The following POLR1B variants were observed in gnomAD, a reference collection of about 807,000 sequenced individuals.
The protein encoded by POLR1B is RNA polymerase I subunit B, also known as DNA-directed RNA polymerase I subunit RPA2.
Under a neutral mutation model 105.8 loss-of-function variants are expected in POLR1B, and 30 were observed. That is an observed-to-expected ratio of 0.28 (90% CI 0.21 to 0.38). POLR1B has a LOEUF of 0.38. POLR1B is among the 10% of genes least tolerant of loss of function. The probability of loss-of-function intolerance (pLI) is 1.00; values close to 1 mark genes in which losing one functional copy is unlikely to be tolerated. For missense variants in POLR1B, 976 were observed against 1,435.8 expected (o/e 0.68, Z 5.17); for synonymous variants, 485 against 505.1 (o/e 0.96, Z 0.53).
intron 1 of POLR1B, among the ~76,000 whole-genome samples, chr2:112,546,543 G>GC (rs1683051716): frequency 9.6e-6 from 1 of 103,888 alleles, no homozygotes; most frequent in Non-Finnish European, 1.9e-5. Flanking sequence ...ACTGGAGGTA[G>GC]CTTTTTTTTT....
At chr2:112,542,112 T>G (rs1013750550), upstream of POLR1B, 13 of 1,535,442 alleles carry the variant, frequency 8.5e-6, no homozygotes, top group African/African-American at 1.5e-4. Context: ...GAAGAGAGCC[T>G]GAGAAGACCG....
At chr2:112,543,707 T>C (rs1246855920) in intron 1 of POLR1B, among the ~76,000 whole-genome samples, 3 of 152,160 alleles carry the variant, frequency 2.0e-5, no homozygotes, top group African/African-American at 7.2e-5. Context: ...AGATTTATTG[T>C]TTAGAAAGAC....
intron 7 of POLR1B, chr2:112,553,338 C>G (rs1683472238): frequency 6.6e-6 from 1 of 152,138 alleles, no homozygotes; most frequent in Non-Finnish European, 1.5e-5. Context: ...ATGTTTTTCA[C>G]ATTGTCGTGC....
upstream of POLR1B, chr2:112,542,209 C>T: frequency 2.0e-6 from 3 of 1,535,672 alleles, no homozygotes; most frequent in Non-Finnish European, 2.6e-6. Context: ...CCACCTGCGG[C>T]ATCTTTCGCG....
chr2:112,553,742 A>G (rs1195536116), intron 7 of POLR1B: 1 of 152,254 alleles, frequency 6.6e-6, no homozygotes, highest in African/African-American at 2.4e-5. Flanking sequence ...ACAAGATTGT[A>G]TATTGATCCG....
At chr2:112,547,238 G>T (rs1242148154) in intron 2 of POLR1B, 59 bp downstream of exon 2, 4 of 1,585,580 alleles carry the variant, frequency 2.5e-6, no homozygotes, top group African/African-American at 1.4e-5. Context: ...AGTAGGGCGG[G>T]TGCCTAATAA....
In POLR1B at chr2:112,542,603, G is replaced by A. The variant is rs1423482589; in HGVS notation, c.109G>A (p.Glu37Lys). Reference protein sequence around the residue: ...PREQQKAALQELTRAHVESFN... With the variant: ...PREQQKAALQKLTRAHVESFN... ...GGAACAGCAAAAGGCAGCGTTGCAGGAGCTGACGCGGGCGCACGTGGAGTC... is the reference window on the plus strand; with the variant it reads ...GGAACAGCAAAAGGCAGCGTTGCAGAAGCTGACGCGGGCGCACGTGGAGTC... Residue 37 changes from glutamate to lysine, a missense_variant, in exon 1 of 15, where the codon GAG becomes AAG. Glu to Lys is a moderately conservative substitution (Grantham distance 56). Coordinates refer to ENST00000263331, the MANE Select transcript of POLR1B (RefSeq NM_019014.6). 4 of 1,614,182 alleles carry A rather than the reference G, an allele frequency of 2.5e-6. No homozygotes were observed. The South Asian group carries it at 4.4e-5, about 18-fold the overall frequency.
At chr2:112,542,036 G>A, upstream of POLR1B, 6 of 1,437,740 alleles carry the variant, frequency 4.2e-6, no homozygotes, top group Non-Finnish European at 5.6e-6. Context: ...TTGAAGCAAC[G>A]ACTTTGGCCG....
intron 7 of POLR1B, among the ~76,000 whole-genome samples, chr2:112,555,870 CTG>C (rs1482244211): frequency 1.3e-5 from 2 of 152,118 alleles, no homozygotes; most frequent in African/African-American, 2.4e-5. Flanking sequence ...GAATTATAGA[CTG>C]TTAAAAATTC....
At chr2:112,566,895 G>A (rs1439388275) in intron 10 of POLR1B, among the ~76,000 whole-genome samples, 1 of 151,946 alleles carries the variant, frequency 6.6e-6, no homozygotes, top group Non-Finnish European at 1.5e-5. Context: ...ACCATGCCTG[G>A]GTAATTTTTA....
upstream of POLR1B, chr2:112,542,207 G>A (rs1009671425): frequency 1.3e-6 from 2 of 1,535,686 alleles, no homozygotes; most frequent in South Asian, 1.2e-5. Flanking sequence ...TTCCACCTGC[G>A]GCATCTTTCG....
In POLR1B at chr2:112,575,692, C is replaced by T; in HGVS notation, c.3371C>T (p.Ala1124Val). The T allele has an allele frequency of 3.1e-6, 5 of 1,612,980 alleles. No homozygotes were observed. Among genetic ancestry groups the T allele is most frequent in the Non-Finnish European group, 3.4e-6 (4 of 1,179,494 alleles). ...TTTCGGTATTTTGTAGCTGAACTGG[C>T]AGCTATGAACATCAAAGTGAAACTG... ...YVFRYFVAEL[A>V]AMNIKVKLDV... is the part of the protein sequence containing the mutation. Residue 1124 changes from alanine (A) to valine (V), a missense_variant, in exon 15 of 15, where the codon GCA becomes GTA. Transcript: ENST00000263331. The surrounding 1 kb of genome is among the most constrained non-coding windows in gnomAD (Gnocchi z 5.3).
chr2:112,573,308 G>A (rs1034114760), intron 13 of POLR1B, among the ~76,000 whole-genome samples: 14 of 152,156 alleles, frequency 9.2e-5, no homozygotes, highest in African/African-American at 3.4e-4. Context: ...TCACCATGTT[G>A]GCCAGGCTGG....
chr2:112,564,920 T>A (rs1684197191), intron 10 of POLR1B, among the ~76,000 whole-genome samples: 1 of 152,262 alleles, frequency 6.6e-6, no homozygotes, highest in Non-Finnish European at 1.5e-5. Flanking sequence ...ATTCTTTGAA[T>A]AACTTACCTT....
At chr2:112,551,247 T>A (rs1043706513) in intron 5 of POLR1B, among the ~76,000 whole-genome samples, 21 of 152,168 alleles carry the variant, frequency 1.4e-4, no homozygotes, top group Non-Finnish European at 2.9e-5. Flanking sequence ...GGAGGTTGCA[T>A]GGAGATGTCA....
At chr2:112,553,536 ACTCCTGGGCTCATGTGATC>A (rs1421700023) in intron 7 of POLR1B, 5 of 150,726 alleles carry the variant, frequency 3.3e-5, no homozygotes, top group African/African-American at 1.2e-4. Flanking sequence ...CTGGTCTCAA[ACTCCTGGGCTCATGTGATC>A]CTCCTGTTTC....
intron 1 of POLR1B, among the ~76,000 whole-genome samples, chr2:112,545,080 C>T (rs1682965252): frequency 1.3e-5 from 2 of 152,050 alleles, no homozygotes; most frequent in African/African-American, 2.4e-5. Flanking sequence ...TATTTAGTGC[C>T]GTGTTTTGTG....
chr2:112,573,880 T>C, intron 14 of POLR1B, 65 bp downstream of exon 14: 1 of 1,552,242 alleles, frequency 6.4e-7, no homozygotes, highest in Non-Finnish European at 8.7e-7. Context: ...AGGGTCTCAG[T>C]GTGTCAGCCG....
chr2:112,575,925 T>G lies in POLR1B; in HGVS notation c.*196T>G. On this transcript the variant is annotated 3_prime_UTR_variant, in exon 15 of 15. Transcript: ENST00000263331. The surrounding 1 kb of genome is among the most constrained non-coding windows in gnomAD (Gnocchi z 5.3). ...TTAACTATTGACAATGATTTTCTGT[T>G]ATCTTTGTTCAAAAAGTTCATGTCT... 1 of 575,476 alleles carries G rather than the reference T, an allele frequency of 1.7e-6. No individual in the cohort carries two copies. The highest frequency in any genetic ancestry group is 3.0e-6 in the Non-Finnish European group (1 of 333,876). 35.6% of individuals were successfully genotyped at this position (575,476 alleles called of 1,614,324 possible).
Sources: allele counts gnomAD v4.1 joint callset (sites outside exome capture counted in the v4.1 genomes callset), GRCh38; gene constraint gnomAD v4.1.1; non-coding constraint Gnocchi (gnomAD v3.1); transcripts MANE v1.5; gene names NCBI Gene and HGNC (gene_info 2026-07-23, HGNC 2026-07-21).